Variants in CUX2 observed in about 807,000 individuals in gnomAD.
CUX2 encodes cut like homeobox 2.
CUX2 carries 40 observed loss-of-function variants against 144.8 expected under a neutral mutation model. The ratio of observed to expected loss-of-function variants is 0.28; its 90% CI spans 0.21 to 0.36. CUX2 has a LOEUF of 0.36. CUX2 is among the 10% of genes least tolerant of loss of function. The pLI is 1.00. For synonymous variants in CUX2, 827 were observed against 875.6 expected (o/e 0.94, Z 0.98); for missense variants, 1,615 against 1,994.0 (o/e 0.81, Z 3.62).
rs369220920 is a variant in CUX2 at position 111,077,383 on chromosome 12, C to T, written c.63+43143C>T. On this transcript the variant is annotated intron_variant, in intron 1 of 21. Coordinates refer to ENST00000261726, the MANE Select transcript of CUX2 (RefSeq NM_015267.4). The surrounding 1 kb of genome is among the most constrained non-coding windows in gnomAD (Gnocchi z 4.1). ...TTGAACCCTAGCCTCTGGGGACTGG[C>T]GCGGCCATGCCATCGACCTGAACCC... is the stretch of plus-strand genomic sequence containing the variant. 7.2e-5 allele frequency among the ~76,000 whole-genome samples: 11 copies of T among 152,256 alleles called. No individual in the cohort carries two copies. In the South Asian group the frequency reaches 8.3e-4, roughly 11 times the overall value.
chr12:111,147,817 C>T (rs1174657475), intron 1 of CUX2, among the ~76,000 whole-genome samples: 1 of 152,140 alleles, frequency 6.6e-6, no homozygotes, highest in African/African-American at 2.4e-5. Flanking sequence ...CCCAGGAAGG[C>T]GATGTGTCCA....
intron 1 of CUX2, among the ~76,000 whole-genome samples, chr12:111,204,335 G>A (rs1222701968): frequency 6.6e-6 from 1 of 152,232 alleles, no homozygotes; most frequent in African/African-American, 2.4e-5. Context: ...GTAATTGCCT[G>A]TTGTGCTCCC....
chr12:111,134,749 G>A (rs1477615546), intron 1 of CUX2, among the ~76,000 whole-genome samples: 1 of 152,042 alleles, frequency 6.6e-6, no homozygotes, highest in Non-Finnish European at 1.5e-5. Flanking sequence ...AATTTTGCCT[G>A]GAGAGGTCAA....
intron 3 of CUX2, among the ~76,000 whole-genome samples, chr12:111,243,034 C>T (rs540141047): frequency 1.3e-5 from 2 of 152,164 alleles, no homozygotes; most frequent in African/African-American, 2.4e-5. Flanking sequence ...GATATGAACT[C>T]ATCCTTTTTT....
intron 1 of CUX2, among the ~76,000 whole-genome samples, chr12:111,111,306 G>GA (rs142051499): frequency 0.035 from 5,168 of 146,512 alleles, 287 homozygotes; most frequent in African/African-American, 0.12. Flanking sequence ...TGTCTCAAAA[G>GA]AAAAAAAAAA....
intron 1 of CUX2, among the ~76,000 whole-genome samples, chr12:111,161,494 T>C (rs1877763671): frequency 6.6e-6 from 1 of 152,234 alleles, no homozygotes; most frequent in African/African-American, 2.4e-5. Context: ...TAACAGCTAA[T>C]GTTGAGTATT....
rs753701830 is a variant in CUX2, at chr12:111,320,235, G to A, written c.2226G>A (p.Pro742=). The A allele has an allele frequency of 7.0e-6, 11 of 1,575,574 alleles. No homozygotes were observed. Among genetic ancestry groups the A allele is most frequent in the South Asian group, 1.1e-5 (1 of 88,684 alleles). Residue 742 remains proline, a synonymous_variant, in exon 17 of 22, where the codon CCG becomes CCA. Transcript: ENST00000261726. This position sits in a 1 kb window ranked among gnomAD's most constrained non-coding sequence, Gnocchi z 8.1. ...SLATASQNGA[P]ALVKQEEGSG... is the part of the protein sequence containing the mutation. The stretch of plus-strand genomic sequence containing the variant: ...CCACCGCGAGCCAGAACGGGGCCCC[G>A]GCCTTGGTGAAGCAGGAGGAGGGCA...
At chr12:111,291,901 G>A (rs913606516) in intron 5 of CUX2, among the ~76,000 whole-genome samples, 2 of 152,064 alleles carry the variant, frequency 1.3e-5, no homozygotes, top group African/African-American at 4.8e-5. Flanking sequence ...CCCCAGTGAC[G>A]AATTCAGCAC....
intron 1 of CUX2, among the ~76,000 whole-genome samples, chr12:111,177,538 G>A (rs542637625): frequency 8.5e-5 from 13 of 152,222 alleles, no homozygotes; most frequent in African/African-American, 3.1e-4. Context: ...CTACAGGTAC[G>A]CGCCACCACG....
chr12:111,307,175 C>T lies in CUX2; in HGVS notation c.1051-24C>T. On this transcript the variant is annotated intron_variant, in intron 11 of 21. Transcript: ENST00000261726. The surrounding 1 kb of genome is among the most constrained non-coding windows in gnomAD (Gnocchi z 4.1). The stretch of plus-strand genomic sequence containing the variant: ...CATGCAGAAGCACACAGACCAGCCT[C>T]ACCATCTTTCTTTGCTCTTCTAGAA... The T allele has an allele frequency of 3.1e-6, 5 of 1,614,094 alleles. No homozygotes were observed. Among genetic ancestry groups the T allele is most frequent in the Non-Finnish European group, 4.2e-6 (5 of 1,179,986 alleles).
chr12:111,330,259 A>C (rs1214647184), intron 18 of CUX2, among the ~76,000 whole-genome samples: 1 of 152,084 alleles, frequency 6.6e-6, no homozygotes, highest in Non-Finnish European at 1.5e-5. Context: ...ATCCTGGCTG[A>C]AATTACTCCA....
chr12:111,240,806 T>A (rs1040560552), intron 3 of CUX2, among the ~76,000 whole-genome samples: 2 of 152,162 alleles, frequency 1.3e-5, no homozygotes, highest in African/African-American at 4.8e-5. Flanking sequence ...ACATTTGGGT[T>A]TTTGCTCTCT....
At chr12:111,181,135 G>T (rs988928637) in intron 1 of CUX2, among the ~76,000 whole-genome samples, 2 of 152,214 alleles carry the variant, frequency 1.3e-5, no homozygotes, top group African/African-American at 2.4e-5. Context: ...GGGCCGCCGC[G>T]TGCCAGGGAA....
intron 1 of CUX2, among the ~76,000 whole-genome samples, chr12:111,158,472 T>TA (rs781038202): frequency 3.2e-3 from 385 of 121,980 alleles, no homozygotes; most frequent in East Asian, 9.5e-3. Flanking sequence ...TAATTTTTAT[T>TA]AAAAAAAAAA....
Position 111,186,160 on chromosome 12 carries a change from A to G in CUX2, c.64-28040A>G, listed in dbSNP as rs1203082264. On this transcript the variant is annotated intron_variant, in intron 1 of 21. Transcript: ENST00000261726. This position sits in a 1 kb window ranked among gnomAD's most constrained non-coding sequence, Gnocchi z 4.4. Reference sequence around the variant, plus strand: ...TCTCTCGGCATTTCTCCTCTTTCCCACTCTCGGCATCCATCCTGCCTTCCC... The same window carrying G: ...TCTCTCGGCATTTCTCCTCTTTCCCGCTCTCGGCATCCATCCTGCCTTCCC... Among the ~76,000 whole-genome samples the G allele has an allele frequency of 6.8e-6, 1 of 146,346 alleles. No individual in the cohort carries two copies. Among genetic ancestry groups the G allele is most frequent in the Non-Finnish European group, 1.5e-5 (1 of 66,438 alleles).
chr12:111,260,369 C>T (rs1884052224), intron 3 of CUX2, among the ~76,000 whole-genome samples: 6 of 151,756 alleles, frequency 4.0e-5, no homozygotes, highest in Admixed American at 3.9e-4. Context: ...GAGGCTGAGG[C>T]AGGAGGATGG....
chr12:111,316,823 C>G (rs182315621), intron 16 of CUX2, among the ~76,000 whole-genome samples: 9 of 152,226 alleles, frequency 5.9e-5, no homozygotes, highest in Admixed American at 5.9e-4. Context: ...TCATCTCTCT[C>G]CAGTTCACAC....
At chr12:111,212,349 G>C (rs750203481) in intron 1 of CUX2, among the ~76,000 whole-genome samples, 1 of 151,998 alleles carries the variant, frequency 6.6e-6, no homozygotes, top group East Asian at 1.9e-4. Context: ...CCTGTGCTTC[G>C]GCAAGAATTG....
At chr12:111,184,586 A>AAC (rs1306186213) in intron 1 of CUX2, among the ~76,000 whole-genome samples, 1 of 151,138 alleles carries the variant, frequency 6.6e-6, no homozygotes, top group East Asian at 1.9e-4. Flanking sequence ...AAAAAAAAAA[A>AAC]AAAAAAAAAA....
Sources: gnomAD v4.1 joint callset for allele counts (sites outside exome capture counted in the v4.1 genomes callset) on GRCh38, gnomAD v4.1.1 for gene constraint, Gnocchi (gnomAD v3.1) non-coding constraint, MANE v1.5 for transcripts, NCBI Gene and HGNC (gene_info 2026-07-23, HGNC 2026-07-21) for gene names.